KLF12: variants seen among roughly 807,000 people sequenced by gnomAD.
KLF12 encodes KLF transcription factor 12.
Under a neutral mutation model 37.8 loss-of-function variants are expected in KLF12, and 9 were observed. The ratio of observed to expected loss-of-function variants is 0.24; its 90% CI spans 0.14 to 0.42. The LOEUF is 0.42. KLF12 is among the 10% of genes least tolerant of loss of function. KLF12 has a pLI of 1.00. For synonymous variants in KLF12, 208 were observed against 202.1 expected (o/e 1.03, Z -0.25); for missense variants, 411 against 516.0 (o/e 0.80, Z 1.97).
At chr13:74,244,357 G>T in the KLF12 span, among the ~76,000 whole-genome samples, 1 of 152,086 alleles carries the variant, frequency 6.6e-6, no homozygotes, top group African/African-American at 2.4e-5. Context: ...AAGTCTTATT[G>T]TGGCATGAAG....
the KLF12 span, among the ~76,000 whole-genome samples, chr13:74,189,768 C>T: frequency 1.3e-5 from 2 of 152,098 alleles, no homozygotes; most frequent in South Asian, 4.1e-4. Context: ...ACACTCTTTT[C>T]ACATCTTTTT....
chr13:73,897,931 G>A (rs1008990459), intron 3 of KLF12, among the ~76,000 whole-genome samples: 5 of 152,114 alleles, frequency 3.3e-5, no homozygotes, highest in Non-Finnish European at 7.4e-5. Flanking sequence ...ACTCCTATGA[G>A]CCCCTACTTG....
intron 1 of KLF12, among the ~76,000 whole-genome samples, chr13:74,029,769 T>A (rs947095075): frequency 6.6e-5 from 10 of 152,086 alleles, no homozygotes; most frequent in African/African-American, 2.2e-4. Context: ...GCTCCCTTCC[T>A]AAATCAAATG....
In KLF12 at chr13:73,800,927, T is replaced by G. The variant is rs1882251517; in HGVS notation, c.806+12225A>C. 4 of 152,140 alleles carry G rather than the reference T, an allele frequency of 2.6e-5. No homozygotes were observed. In the South Asian group the frequency reaches 8.3e-4, roughly 31 times the overall value. 9.4% of individuals were successfully genotyped at this position (152,140 alleles called of 1,614,324 possible). A position where few individuals can be genotyped will look rare whatever the true frequency, so the allele number is the denominator to read the frequency against. On this transcript the variant is annotated intron_variant, in intron 5 of 7. Transcript: ENST00000377669. ...ATATTCTGAAAATATGTTGGCACTC[T>G]TATTTCTATTAACTGCATATGGTTT... is the stretch of plus-strand genomic sequence containing the variant.
In KLF12 at chr13:74,126,558, A is replaced by G. The variant is rs74098510; in HGVS notation, c.-32+7181T>C. Among the ~76,000 whole-genome samples the G allele has an allele frequency of 2.6e-3, 397 of 152,312 alleles. 2 individuals are homozygous for G. Among genetic ancestry groups the G allele is most frequent in the African/African-American group, 8.9e-3 (371 of 41,562 alleles). On this transcript the variant is annotated intron_variant, in intron 1 of 7. Transcript: ENST00000377669. ...ATCTAATGATTATTGTCTCAATTTT[A>G]TATCAAGATAATAAACTTTCTCATA...
chr13:73,856,307 T>G (rs1885606929), intron 3 of KLF12, among the ~76,000 whole-genome samples: 1 of 152,206 alleles, frequency 6.6e-6, no homozygotes, highest in African/African-American at 2.4e-5. Context: ...TCCTCTTGGC[T>G]GGGATGCTTA....
At chr13:74,199,443 T>C in the KLF12 span, among the ~76,000 whole-genome samples, 1 of 152,184 alleles carries the variant, frequency 6.6e-6, no homozygotes, top group South Asian at 2.1e-4. Context: ...GCATGAATTA[T>C]TAGCCCTGCT....
At chr13:73,923,331 AG>A (rs1889213290) in intron 3 of KLF12, among the ~76,000 whole-genome samples, 1 of 152,206 alleles carries the variant, frequency 6.6e-6, no homozygotes, top group African/African-American at 2.4e-5. Context: ...AGGCTGCTGG[AG>A]AAAGTGTCCC....
At chr13:73,829,024 C>T (rs1414414162) in intron 4 of KLF12, among the ~76,000 whole-genome samples, 3 of 152,154 alleles carry the variant, frequency 2.0e-5, no homozygotes, top group East Asian at 1.9e-4. Flanking sequence ...ACACCACCAC[C>T]GAGTATACTG....
At position 73,845,839 on chromosome 13, in the gene KLF12, C is replaced by T; in HGVS notation, c.658G>A (p.Gly220Ser). ...TTATGTCTCTTACCTTTGCCATGGC[C>T]TCTCCCATCCTCCAAAAGCGGCACG... The change falls in exon 4 of 8, where the codon GGC (glycine) becomes AGC (serine). Residue 220 changes from glycine to serine, a missense_variant. By Grantham distance (56) the Gly-to-Ser change is moderately conservative (BLOSUM62 0). Transcript: ENST00000377669. 1.9e-6 allele frequency: 3 copies of T among 1,613,146 alleles called. No individual in the cohort carries two copies. The highest frequency in any genetic ancestry group is 2.5e-6 in the Non-Finnish European group (3 of 1,179,308).
chr13:73,790,617 T>TCA (rs1337621600), intron 5 of KLF12, among the ~76,000 whole-genome samples: 1 of 152,264 alleles, frequency 6.6e-6, no homozygotes, highest in Non-Finnish European at 1.5e-5. Context: ...CATGCAGTGT[T>TCA]GCGCATGGTC....
the KLF12 span, among the ~76,000 whole-genome samples, chr13:74,217,311 C>CTT: frequency 2.8e-4 from 40 of 144,918 alleles, no homozygotes; most frequent in African/African-American, 8.5e-4. Flanking sequence ...TAATAGATGA[C>CTT]TTTTTTTTTT....
intron 4 of KLF12, among the ~76,000 whole-genome samples, chr13:73,838,512 T>C (rs1201924540): frequency 6.6e-6 from 1 of 152,198 alleles, no homozygotes; most frequent in Non-Finnish European, 1.5e-5. Flanking sequence ...CTCAGGTATT[T>C]TGGGAAAAGT....
chr13:74,038,122 T>C (rs773528884), intron 1 of KLF12, among the ~76,000 whole-genome samples: 2 of 152,180 alleles, frequency 1.3e-5, no homozygotes, highest in Non-Finnish European at 2.9e-5. Flanking sequence ...AGAAGATCTG[T>C]GGATTATACC....
At chr13:73,926,771 G>A (rs561304477) in intron 3 of KLF12, among the ~76,000 whole-genome samples, 9 of 151,926 alleles carry the variant, frequency 5.9e-5, no homozygotes, top group African/African-American at 1.2e-4. Context: ...GTTTCTCTGC[G>A]TGAATTACTC....
chr13:73,951,191 A>G (rs1890634040), intron 2 of KLF12, among the ~76,000 whole-genome samples: 1 of 152,246 alleles, frequency 6.6e-6, no homozygotes, highest in Non-Finnish European at 1.5e-5. Flanking sequence ...GGGTTGTTTC[A>G]TGTGCTTTAC....
At chr13:74,293,956 C>T in the KLF12 span, among the ~76,000 whole-genome samples, 1 of 152,352 alleles carries the variant, frequency 6.6e-6, no homozygotes, top group East Asian at 1.9e-4. Context: ...TATCTCCTCT[C>T]ACCTCTTACT....
chr13:74,188,469 A>C, the KLF12 span, among the ~76,000 whole-genome samples: 2 of 152,182 alleles, frequency 1.3e-5, no homozygotes, highest in Non-Finnish European at 2.9e-5. Flanking sequence ...ATCTTTACTC[A>C]GTTGAAAATA....
chr13:74,009,413 G>A (rs1472431514), intron 1 of KLF12, among the ~76,000 whole-genome samples: 3 of 152,194 alleles, frequency 2.0e-5, no homozygotes, highest in African/African-American at 7.2e-5. Context: ...AGTGAAGACA[G>A]TTCAACAGCT....
Sources: gnomAD v4.1 joint callset for allele counts (sites outside exome capture counted in the v4.1 genomes callset) on GRCh38, gnomAD v4.1.1 for gene constraint, MANE v1.5 for transcripts, NCBI Gene and HGNC (gene_info 2026-07-23, HGNC 2026-07-21) for gene names.